The following PRKN variants were observed in gnomAD, a reference collection of about 807,000 sequenced individuals.
The protein encoded by PRKN is E3 ubiquitin-protein ligase parkin.
A neutral mutation model predicts 59.5 loss-of-function variants in PRKN; 56 were observed. The ratio of observed to expected loss-of-function variants is 0.94; its 90% CI spans 0.76 to 1.18. The LOEUF (loss-of-function observed/expected upper bound fraction) is 1.18, where lower values mean the gene tolerates loss of function less well. Ranked by LOEUF, PRKN falls within the 50% of genes most tolerant of loss-of-function variation. The pLI is 0.00. For missense variants in PRKN, 657 were observed against 596.4 expected (o/e 1.10, Z -1.06); for synonymous variants, 250 against 222.1 (o/e 1.13, Z -1.12).
chr6:162,312,157 G>A (rs751020677), intron 2 of PRKN, among the ~76,000 whole-genome samples: 6 of 152,084 alleles, frequency 3.9e-5, no homozygotes, highest in Non-Finnish European at 7.3e-5. Flanking sequence ...TTTTCTCTTA[G>A]TATTGCTCCC....
At chr6:162,325,856 C>CA (rs1443444922) in intron 2 of PRKN, among the ~76,000 whole-genome samples, 3 of 152,080 alleles carry the variant, frequency 2.0e-5, no homozygotes. Context: ...AAGAGTAAGT[C>CA]AAACAAATTG....
chr6:162,496,542 A>G (rs1028968111), intron 1 of PRKN, among the ~76,000 whole-genome samples: 12 of 152,184 alleles, frequency 7.9e-5, no homozygotes, highest in Non-Finnish European at 1.0e-4. Flanking sequence ...TTGACTCCTC[A>G]GTAGATAATA....
Position 161,614,963 on chromosome 6 carries a change from CAGAGAGAGAGAG to C in PRKN, c.872-45559_872-45548del, listed in dbSNP as rs71694349. ...TTTTTAGTTTTCTGGGAGAGGAAGA[CAGAGAGAGAGAG>C]AGAGAGAGAGAGAGAGAGAGAGAGA... On this transcript the variant is annotated intron_variant, in intron 7 of 11. Coordinates refer to ENST00000366898, the MANE Select transcript of PRKN (RefSeq NM_004562.3). Among the ~76,000 whole-genome samples, 720 of 147,336 alleles carry C rather than the reference CAGAGAGAGAGAG, an allele frequency of 4.9e-3. 2 individuals are homozygous for C. The highest frequency in any genetic ancestry group is 4.4e-3 in the Non-Finnish European group (292 of 66,734).
intron 1 of PRKN, among the ~76,000 whole-genome samples, chr6:162,606,138 G>A (rs1053588384): frequency 2.0e-5 from 3 of 152,134 alleles, no homozygotes; most frequent in Non-Finnish European, 2.9e-5. Flanking sequence ...AAACAAATTC[G>A]TAGATTAACC....
chr6:161,867,846 C>T (rs1199762427), intron 6 of PRKN, among the ~76,000 whole-genome samples: 1 of 151,770 alleles, frequency 6.6e-6, no homozygotes, highest in Non-Finnish European at 1.5e-5. Flanking sequence ...GTGAAACCTC[C>T]ACCTCCCAGG....
At chr6:161,971,934 A>G (rs1195558066) in intron 6 of PRKN, among the ~76,000 whole-genome samples, 1 of 152,170 alleles carries the variant, frequency 6.6e-6, no homozygotes, top group Non-Finnish European at 1.5e-5. Context: ...CTGAAACAAT[A>G]GATTCTTTGA....
chr6:161,922,408 C>T (rs1461100407), intron 6 of PRKN, among the ~76,000 whole-genome samples: 1 of 152,188 alleles, frequency 6.6e-6, no homozygotes, highest in Non-Finnish European at 1.5e-5. Flanking sequence ...TCATTTCTCA[C>T]ATTGCATGCA....
rs1274292476 is a variant in PRKN at position 161,393,412 on chromosome 6, C to T, written c.1084-6535G>A. Among the ~76,000 whole-genome samples, 6 of 152,160 alleles carry T rather than the reference C, an allele frequency of 3.9e-5. No homozygotes were observed. The highest frequency in any genetic ancestry group is 3.9e-4 in the Admixed American group (6 of 15,284). ...CTGTCTAGAAAGGGATGAGGCCTCT[C>T]TTTGCTGGTATACATGCTGAGGTAA... On this transcript the variant is annotated intron_variant, in intron 9 of 11. Coordinates refer to ENST00000366898, the MANE Select transcript of PRKN (RefSeq NM_004562.3). The surrounding 1 kb of genome is among the most constrained non-coding windows in gnomAD (Gnocchi z 4.7).
intron 1 of PRKN, among the ~76,000 whole-genome samples, chr6:162,500,412 TCCA>T (rs1415532869): frequency 8.8e-6 from 1 of 113,462 alleles, no homozygotes; most frequent in African/African-American, 3.2e-5. Context: ...CCTCAGGTGA[TCCA>T]CCCGCCTCAG....
At chr6:162,338,455 T>G (rs1475047277) in intron 2 of PRKN, among the ~76,000 whole-genome samples, 1 of 152,164 alleles carries the variant, frequency 6.6e-6, no homozygotes, top group Admixed American at 6.5e-5. Context: ...GGTTTTGCTG[T>G]GTTGGCCGGG....
intron 2 of PRKN, among the ~76,000 whole-genome samples, chr6:162,284,220 T>C (rs867397914): frequency 0.084 from 8,728 of 104,320 alleles, 477 homozygotes; most frequent in Middle Eastern, 0.18. Flanking sequence ...TCTTTCTTTT[T>C]TTTTTTTTTT....
intron 1 of PRKN, among the ~76,000 whole-genome samples, chr6:162,646,374 G>C (rs1340921515): frequency 6.6e-6 from 1 of 151,980 alleles, no homozygotes; most frequent in Non-Finnish European, 1.5e-5. Context: ...CTGGGCTCCA[G>C]GGATCCTCCC....
intron 1 of PRKN, among the ~76,000 whole-genome samples, chr6:162,684,833 G>A (rs897849289): frequency 6.6e-6 from 1 of 151,968 alleles, no homozygotes; most frequent in African/African-American, 2.4e-5. Context: ...TTAATAATAT[G>A]ACCAAACAGA....
At chr6:161,748,653 G>A (rs1182336639) in intron 7 of PRKN, among the ~76,000 whole-genome samples, 3 of 152,232 alleles carry the variant, frequency 2.0e-5, no homozygotes, top group South Asian at 2.1e-4. Context: ...ACTGACAAAG[G>A]CATTCATTAA....
intron 4 of PRKN, among the ~76,000 whole-genome samples, chr6:162,080,485 C>A (rs1186548945): frequency 6.6e-6 from 1 of 152,132 alleles, no homozygotes; most frequent in Non-Finnish European, 1.5e-5. Flanking sequence ...TCACACAAAG[C>A]TGAGGTTTCT....
intron 7 of PRKN, among the ~76,000 whole-genome samples, chr6:161,659,341 T>C (rs906124734): frequency 6.6e-6 from 1 of 152,200 alleles, no homozygotes; most frequent in Non-Finnish European, 1.5e-5. Flanking sequence ...GAGGACTCAT[T>C]TGAGCCTTGC....
At chr6:161,731,311 C>T (rs1787702288) in intron 7 of PRKN, among the ~76,000 whole-genome samples, 1 of 152,238 alleles carries the variant, frequency 6.6e-6, no homozygotes, top group Admixed American at 6.5e-5. Context: ...ACTGAAAAAA[C>T]ACTGTGAACT....
In PRKN at chr6:161,463,208, C is replaced by A. The variant is rs186432267; in HGVS notation, c.1084-76331G>T. On this transcript the variant is annotated intron_variant, in intron 9 of 11. Transcript: ENST00000366898. The surrounding 1 kb of genome is among the most constrained non-coding windows in gnomAD (Gnocchi z 4.8). Reference sequence around the variant, plus strand: ...ATTCCTGAGGCATCCAGATTCAGCACGGCCTCTGGAAGGTGACTGCCAGGT... The same window carrying A: ...ATTCCTGAGGCATCCAGATTCAGCAAGGCCTCTGGAAGGTGACTGCCAGGT... 6.6e-6 allele frequency among the ~76,000 whole-genome samples: 1 copy of A among 152,136 alleles called. No homozygotes were observed. The highest frequency in any genetic ancestry group is 2.4e-5 in the African/African-American group (1 of 41,428).
At chr6:162,036,392 G>T (rs10945793) in intron 5 of PRKN, among the ~76,000 whole-genome samples, 25,265 of 151,268 alleles carry the variant, frequency 0.17, 2,808 homozygotes, top group East Asian at 0.55. Flanking sequence ...AAATAATTTT[G>T]TTTTGAGATA....
Sources: gnomAD v4.1 joint callset for allele counts (sites outside exome capture counted in the v4.1 genomes callset) on GRCh38, gnomAD v4.1.1 for gene constraint, Gnocchi (gnomAD v3.1) non-coding constraint, MANE v1.5 for transcripts, NCBI Gene and HGNC (gene_info 2026-07-23, HGNC 2026-07-21) for gene names.